The following NOCT variants were observed in gnomAD, a reference collection of about 807,000 sequenced individuals.
The protein encoded by NOCT is CCR4 carbon catabolite repression 4-like.
In NOCT, 18 loss-of-function variants were observed where a neutral mutation model predicts 35.0. The ratio of observed to expected loss-of-function variants is 0.51; its 90% CI spans 0.36 to 0.76. NOCT has a LOEUF of 0.76. Among genes scored for constraint, NOCT ranks in the 30% least tolerant of loss-of-function variants. NOCT has a pLI of 0.01. For missense variants in NOCT, 479 were observed against 541.0 expected (o/e 0.89, Z 1.14); for synonymous variants, 235 against 226.3 (o/e 1.04, Z -0.34).
chr4:139,029,802 G>A (rs1204351244), intron 1 of NOCT, among the ~76,000 whole-genome samples: 2 of 152,174 alleles, frequency 1.3e-5, no homozygotes, highest in Non-Finnish European at 2.9e-5. Flanking sequence ...TCATTTGCCA[G>A]ATGGACCTTC....
intron 2 of NOCT, chr4:139,043,980 G>GTATATGTATATATATATA (rs1726886588): frequency 7.4e-6 from 1 of 135,388 alleles, no homozygotes; most frequent in African/African-American, 2.9e-5. Flanking sequence ...AAAAAAATAT[G>GTATATGTATATATATATA]TATATATATA....
intron 1 of NOCT, among the ~76,000 whole-genome samples, chr4:139,025,963 A>T (rs976854891): frequency 6.6e-6 from 1 of 152,230 alleles, no homozygotes; most frequent in African/African-American, 2.4e-5. Context: ...TAACTATTCA[A>T]GCAATGCACT....
intron 1 of NOCT, among the ~76,000 whole-genome samples, chr4:139,041,644 CAAAG>C (rs1488563758): frequency 1.3e-5 from 2 of 152,182 alleles, no homozygotes; most frequent in African/African-American, 2.4e-5. Flanking sequence ...CTCGGGAAGA[CAAAG>C]TAACTGGTGC....
At chr4:139,026,517 C>T (rs1726518598) in intron 1 of NOCT, among the ~76,000 whole-genome samples, 1 of 151,802 alleles carries the variant, frequency 6.6e-6, no homozygotes, top group East Asian at 1.9e-4. Flanking sequence ...TATGTGTCAC[C>T]ATGTTTGGCT....
At chr4:139,034,975 A>G (rs1374392231) in intron 1 of NOCT, among the ~76,000 whole-genome samples, 1 of 152,130 alleles carries the variant, frequency 6.6e-6, no homozygotes, top group Non-Finnish European at 1.5e-5. Flanking sequence ...CTGTGCATTA[A>G]CATCTCCCAA....
At chr4:139,031,223 T>C (rs192742553) in intron 1 of NOCT, among the ~76,000 whole-genome samples, 2 of 151,814 alleles carry the variant, frequency 1.3e-5, no homozygotes, top group South Asian at 2.1e-4. Flanking sequence ...GATCTCAGCT[T>C]ACGGCAGGCT....
intron 1 of NOCT, among the ~76,000 whole-genome samples, chr4:139,036,047 T>A (rs1578631053): frequency 6.6e-6 from 1 of 152,106 alleles, no homozygotes; most frequent in East Asian, 1.9e-4. Context: ...TTCTACCTTT[T>A]CCGTTTATTT....
chr4:139,019,936 A>C (rs531990789), intron 1 of NOCT, among the ~76,000 whole-genome samples: 4 of 152,218 alleles, frequency 2.6e-5, no homozygotes, highest in Admixed American at 2.6e-4. Context: ...TTTTCATGGT[A>C]CAATTTATAG....
intron 1 of NOCT, among the ~76,000 whole-genome samples, chr4:139,042,048 T>G (rs1164996450): frequency 6.6e-6 from 1 of 151,786 alleles, no homozygotes; most frequent in Non-Finnish European, 1.5e-5. Flanking sequence ...ACATTTCACT[T>G]TTTACAAACT....
chr4:139,018,338 T>C (rs1014691882), intron 1 of NOCT, among the ~76,000 whole-genome samples: 6 of 152,180 alleles, frequency 3.9e-5, no homozygotes, highest in African/African-American at 1.2e-4. Flanking sequence ...GTGTAAAACA[T>C]AGATGGCTGT....
At chr4:139,026,289 C>T (rs573296740) in intron 1 of NOCT, among the ~76,000 whole-genome samples, 5 of 152,076 alleles carry the variant, frequency 3.3e-5, no homozygotes, top group Admixed American at 2.0e-4. Flanking sequence ...TTGGTAGAGA[C>T]GGGGTTTCAC....
At chr4:139,035,409 T>G (rs1355776370) in intron 1 of NOCT, among the ~76,000 whole-genome samples, 1 of 152,182 alleles carries the variant, frequency 6.6e-6, no homozygotes, top group African/African-American at 2.4e-5. Flanking sequence ...GTGTTTTGAT[T>G]ACAGGCATGA....
intron 1 of NOCT, among the ~76,000 whole-genome samples, chr4:139,020,554 T>C (rs1458744929): frequency 6.6e-6 from 1 of 152,150 alleles, no homozygotes; most frequent in Non-Finnish European, 1.5e-5. Flanking sequence ...GCAGAATCAT[T>C]TGGGACAGTT....
chr4:139,021,089 AG>A (rs1380601468), intron 1 of NOCT, among the ~76,000 whole-genome samples: 16 of 150,986 alleles, frequency 1.1e-4, no homozygotes, highest in African/African-American at 2.9e-4. Context: ...AAAAAAAAAA[AG>A]GATCTTTGAG....
chr4:139,024,699 C>T (rs1665496815), intron 1 of NOCT, among the ~76,000 whole-genome samples: 1 of 152,142 alleles, frequency 6.6e-6, no homozygotes, highest in Non-Finnish European at 1.5e-5. Context: ...TCAAGCACTC[C>T]TCCCACCTCA....
intron 1 of NOCT, among the ~76,000 whole-genome samples, chr4:139,026,725 A>G (rs1726524161): frequency 6.7e-6 from 1 of 149,574 alleles, no homozygotes; most frequent in South Asian, 2.1e-4. Flanking sequence ...TAATTTTTGT[A>G]TTTTTAGTAG....
At chr4:139,034,027 G>C (rs969812713) in intron 1 of NOCT, among the ~76,000 whole-genome samples, 2 of 152,072 alleles carry the variant, frequency 1.3e-5, no homozygotes, top group Admixed American at 1.3e-4. Flanking sequence ...CATAATAAGC[G>C]TATCTGCTTC....
chr4:139,030,545 G>A (rs6820173), intron 1 of NOCT, among the ~76,000 whole-genome samples: 147,070 of 152,278 alleles, frequency 0.97, 71,115 homozygotes, highest in Middle Eastern at 0.99. Flanking sequence ...CTAAGTAGGA[G>A]AAATGGGCCA....
At chr4:139,025,862 G>A (rs1418605280) in intron 1 of NOCT, among the ~76,000 whole-genome samples, 1 of 151,966 alleles carries the variant, frequency 6.6e-6, no homozygotes, top group Non-Finnish European at 1.5e-5. Context: ...TTAGGAAGGA[G>A]AGAAAGTAAA....
Sources: gnomAD v4.1 joint callset for allele counts (sites outside exome capture counted in the v4.1 genomes callset) on GRCh38, gnomAD v4.1.1 for gene constraint, MANE v1.5 for transcripts, NCBI Gene and HGNC (gene_info 2026-07-23, HGNC 2026-07-21) for gene names.